Variants in BDH2 observed in about 807,000 individuals in gnomAD.
The protein encoded by BDH2 is 3-hydroxybutyrate dehydrogenase 2.
BDH2 carries 24 observed loss-of-function variants against 33.2 expected under a neutral mutation model. The ratio of observed to expected loss-of-function variants is 0.72; its 90% confidence interval spans 0.52 to 1.02. The LOEUF (loss-of-function observed/expected upper bound fraction) is 1.02. Ranked by LOEUF, BDH2 falls within the 50% of genes least tolerant of loss-of-function variation. The probability of loss-of-function intolerance (pLI) is 0.00; values close to 1 mark genes in which losing one functional copy is unlikely to be tolerated. For synonymous variants in BDH2, 81 were observed against 101.6 expected, an observed-to-expected ratio of 0.80 and a Z score of 1.22; for missense variants, 249 against 301.6, an observed-to-expected ratio of 0.83 and a Z score of 1.29.
chr4:103,078,878 C>CA lies in BDH2; in HGVS notation c.*823_*824insT, dbSNP rs1747375448. The stretch of plus-strand genomic sequence containing the variant: ...TCAAGTAATCCTCCTGCCTTAGCCT[C>CA]TGTTAACCATGCTGGTCCTGAACTC... On this transcript the variant is annotated 3_prime_UTR_variant, in exon 10 of 10. Transcript: ENST00000296424. Among the ~76,000 whole-genome samples the CA allele has an allele frequency of 6.6e-6, 1 of 152,142 alleles. No individual in the cohort carries two copies. The highest frequency in any genetic ancestry group is 6.5e-5 in the Admixed American group (1 of 15,284).
intron 9 of BDH2, among the ~76,000 whole-genome samples, chr4:103,080,273 C>T (rs989384494): frequency 6.6e-6 from 1 of 152,282 alleles, no homozygotes; most frequent in East Asian, 1.9e-4. Flanking sequence ...TAAAAATTTA[C>T]ATGAATGATA....
chr4:103,090,175 G>C (rs908897774), intron 5 of BDH2, among the ~76,000 whole-genome samples: 3 of 152,156 alleles, frequency 2.0e-5, no homozygotes, highest in Non-Finnish European at 4.4e-5. Flanking sequence ...TCTGTACCCA[G>C]TCAACCCCTT....
chr4:103,095,845 C>G (rs1353611272), intron 2 of BDH2, among the ~76,000 whole-genome samples: 1 of 152,118 alleles, frequency 6.6e-6, no homozygotes, highest in Admixed American at 6.6e-5. Context: ...AGTCATATAT[C>G]TAAACTGACA....
chr4:103,083,583 A>T (rs1747624242), intron 7 of BDH2, among the ~76,000 whole-genome samples: 1 of 152,242 alleles, frequency 6.6e-6, no homozygotes, highest in African/African-American at 2.4e-5. Context: ...CTAACATTTT[A>T]AAATTCCACT....
intron 8 of BDH2, among the ~76,000 whole-genome samples, chr4:103,082,667 C>T (rs1229527780): frequency 6.6e-6 from 1 of 152,134 alleles, no homozygotes; most frequent in African/African-American, 2.4e-5. Flanking sequence ...AGCGATCCCC[C>T]AGCCTCAGCT....
At chr4:103,097,290 C>A (rs1417555652) in intron 1 of BDH2, among the ~76,000 whole-genome samples, 1 of 152,176 alleles carries the variant, frequency 6.6e-6, no homozygotes, top group Admixed American at 6.5e-5. Context: ...TTTAAGCATG[C>A]AGTAGTAACA....
intron 8 of BDH2, 112 bp from the exon 9 acceptor site, chr4:103,082,285 G>T: frequency 1.2e-6 from 1 of 868,548 alleles, no homozygotes; most frequent in Non-Finnish European, 1.9e-6. Flanking sequence ...CTGCCTTGAT[G>T]AATAATCAAC....
In BDH2 at chr4:103,082,085, T is replaced by G. The variant is rs924582812; in HGVS notation, c.680A>C (p.Asp227Ala). ...CTTGGGAAGAATAGTGCTTACTTCA[T>G]CAGAAGCCAAATACACGCAGAGCAT... is the stretch of plus-strand genomic sequence containing the variant. ...IAMLCVYLAS[D>A]ESAYVTGNPV... is the part of the protein sequence containing the mutation. Residue 227 changes from aspartate (D) to alanine (A), a missense_variant, in exon 9 of 10, where the codon GAT (aspartate) becomes GCT (alanine). Asp to Ala is a moderately radical substitution (Grantham distance 126). Coordinates refer to ENST00000296424, the MANE Select transcript of BDH2 (RefSeq NM_020139.4). The G allele has an allele frequency of 2.3e-5, 37 of 1,613,692 alleles. 1 individual carries two copies. The highest frequency in any genetic ancestry group is 3.1e-5 in the Non-Finnish European group (36 of 1,179,690).
intron 1 of BDH2, 42 bp from the exon 2 acceptor site, chr4:103,096,316 A>C: frequency 7.7e-7 from 1 of 1,303,712 alleles, no homozygotes; most frequent in East Asian, 2.3e-5. Flanking sequence ...GTAGAACATG[A>C]TCTTGAGCAG....
At chr4:103,081,667 A>C (rs1747532415) in intron 9 of BDH2, among the ~76,000 whole-genome samples, 1 of 152,218 alleles carries the variant, frequency 6.6e-6, no homozygotes, top group Non-Finnish European at 1.5e-5. Context: ...AAACTAAAAC[A>C]CCACATGCGA....
In BDH2 at chr4:103,095,261, G is replaced by A. The variant is rs75286745; in HGVS notation, c.93C>T (p.Ala31=). ...AAALAFAREG[A]KVIATDINES... ...CATTAATGTCTGTGGCTATGACTTTGGCACCTTCTCTTGCAAAAGCCTAGT... is the reference window on the plus strand; with the variant it reads ...CATTAATGTCTGTGGCTATGACTTTAGCACCTTCTCTTGCAAAAGCCTAGT... The change falls in exon 3 of 10, where the codon GCC becomes GCT. Residue 31 remains alanine (A), a synonymous_variant. Transcript: ENST00000296424. The A allele has an allele frequency of 6.2e-7, 1 of 1,613,548 alleles. No individual in the cohort carries two copies. The highest frequency in any genetic ancestry group is 1.7e-5 in the Admixed American group (1 of 59,984).
intron 1 of BDH2, chr4:103,099,529 G>A (rs1160440194): frequency 6.6e-6 from 1 of 152,056 alleles, no homozygotes; most frequent in African/African-American, 2.4e-5. Flanking sequence ...AGCATATTCA[G>A]GAAGCCATTG....
At chr4:103,085,923 A>G in intron 6 of BDH2, 1 of 1,184,114 alleles carries the variant, frequency 8.4e-7, no homozygotes, top group Non-Finnish European at 1.1e-6. Context: ...CAACTATGCC[A>G]GATTGTGACA....
intron 3 of BDH2, 39 bp downstream of exon 3, chr4:103,095,164 A>T (rs1748330487): frequency 6.5e-7 from 1 of 1,531,944 alleles, no homozygotes; most frequent in Non-Finnish European, 9.0e-7. Context: ...AATACCTTGC[A>T]GACACTGAAT....
intron 3 of BDH2, among the ~76,000 whole-genome samples, chr4:103,094,871 G>A (rs1748302995): frequency 6.6e-6 from 1 of 152,094 alleles, no homozygotes; most frequent in Non-Finnish European, 1.5e-5. Flanking sequence ...CTATCCTAGA[G>A]GAGGAGGGCA....
At chr4:103,085,280 A>G in intron 7 of BDH2, 69 bp downstream of exon 7, 1 of 1,248,196 alleles carries the variant, frequency 8.0e-7, no homozygotes, top group South Asian at 1.3e-5. Flanking sequence ...ATAGGCAATA[A>G]CATAAGCAAA....
At chr4:103,091,836 T>C (rs1748113333) in intron 4 of BDH2, 1 of 442,228 alleles carries the variant, frequency 2.3e-6, no homozygotes. Flanking sequence ...GTGGCACAGA[T>C]TTAGAATTCT....
chr4:103,082,867 G>A lies in BDH2; in HGVS notation c.591+4C>T, dbSNP rs762803668. ...TTTAAATACATTTTAAATGCTAGATGTACCTCTTCAGGATTTCCTCTGGCT... is the reference window on the plus strand; with the variant it reads ...TTTAAATACATTTTAAATGCTAGATATACCTCTTCAGGATTTCCTCTGGCT... On this transcript the variant is annotated splice_donor_region_variant and intron_variant, in intron 8 of 9. Transcript: ENST00000296424. 3 of 1,605,400 alleles carry A rather than the reference G, an allele frequency of 1.9e-6. No homozygotes were observed. Among genetic ancestry groups the A allele is most frequent in the Non-Finnish European group, 2.6e-6 (3 of 1,172,210 alleles).
At chr4:103,079,949 G>A (rs1210105799) in intron 9 of BDH2, among the ~76,000 whole-genome samples, 194 bp from the exon 10 acceptor site, 1 of 152,184 alleles carries the variant, frequency 6.6e-6, no homozygotes, top group African/African-American at 2.4e-5. Context: ...CTGTGATCTG[G>A]AACTAAATGG....
Sources: gnomAD v4.1 joint callset for allele counts (sites outside exome capture counted in the v4.1 genomes callset) on GRCh38, gnomAD v4.1.1 for gene constraint, MANE v1.5 for transcripts, NCBI Gene and HGNC (gene_info 2026-07-23, HGNC 2026-07-21) for gene names.